MEGF10: variants seen among roughly 807,000 people sequenced by gnomAD.
MEGF10 encodes multiple epidermal growth factor-like domains protein 10.
A neutral mutation model predicts 147.5 loss-of-function variants in MEGF10; 86 were observed. The observed-to-expected ratio is 0.58, with a 90% CI of 0.49 to 0.70. The LOEUF (loss-of-function observed/expected upper bound fraction) is 0.70. Among genes scored for constraint, MEGF10 ranks in the 30% least tolerant of loss-of-function variants. The pLI is 0.00. For synonymous variants in MEGF10, 478 were observed against 525.5 expected (o/e 0.91, Z 1.24); for missense variants, 1,329 against 1,487.3 (o/e 0.89, Z 1.75).
chr5:127,337,811 G>C (rs1761525138), intron 2 of MEGF10, among the ~76,000 whole-genome samples: 1 of 152,090 alleles, frequency 6.6e-6, no homozygotes, highest in Non-Finnish European at 1.5e-5. Flanking sequence ...GAGGTTATCT[G>C]CTGAACATCT....
the MEGF10 span, among the ~76,000 whole-genome samples, chr5:127,266,060 C>A: frequency 6.6e-6 from 1 of 152,014 alleles, no homozygotes. Flanking sequence ...TTAGGTCTAA[C>A]ATTTAAGTCT....
At chr5:127,292,744 C>T (rs953266899) in intron 1 of MEGF10, among the ~76,000 whole-genome samples, 4 of 152,176 alleles carry the variant, frequency 2.6e-5, no homozygotes, top group African/African-American at 9.7e-5. Context: ...CTGTATACCT[C>T]CTTGGAAATC....
the MEGF10 span, among the ~76,000 whole-genome samples, chr5:127,235,130 G>GCCA: frequency 6.6e-6 from 1 of 152,186 alleles, no homozygotes; most frequent in Non-Finnish European, 1.5e-5. Flanking sequence ...ACAGGTGTGA[G>GCCA]CCACCGTGCC....
At chr5:127,316,117 C>G (rs1760538948) in intron 1 of MEGF10, among the ~76,000 whole-genome samples, 1 of 152,212 alleles carries the variant, frequency 6.6e-6, no homozygotes, top group Non-Finnish European at 1.5e-5. Flanking sequence ...AAAAGTCTGC[C>G]ATATAAGTTT....
intron 5 of MEGF10, among the ~76,000 whole-genome samples, chr5:127,381,961 G>A (rs1011347224): frequency 6.6e-6 from 1 of 152,126 alleles, no homozygotes; most frequent in African/African-American, 2.4e-5. Flanking sequence ...GTGAGCCACC[G>A]CACCCAGCCT....
At chr5:127,440,149 T>C (rs946458594) in intron 17 of MEGF10, among the ~76,000 whole-genome samples, 2 of 152,204 alleles carry the variant, frequency 1.3e-5, no homozygotes, top group Non-Finnish European at 2.9e-5. Context: ...GGTCTAAGCA[T>C]TGAAAATCAT....
At chr5:127,260,869 T>C in the MEGF10 span, among the ~76,000 whole-genome samples, 1 of 152,218 alleles carries the variant, frequency 6.6e-6, no homozygotes, top group Admixed American at 6.5e-5. Context: ...CTACTGCTCC[T>C]GCAGGACACC....
intron 23 of MEGF10, 56 bp downstream of exon 23, chr5:127,454,666 C>G (rs1561657588): frequency 1.4e-6 from 2 of 1,472,066 alleles, no homozygotes; most frequent in South Asian, 2.5e-5. Context: ...TTTTTAACCT[C>G]AAAGACTGAA....
At chr5:127,427,210 G>A (rs934092154) in intron 13 of MEGF10, among the ~76,000 whole-genome samples, 6 of 152,138 alleles carry the variant, frequency 3.9e-5, no homozygotes, top group African/African-American at 9.7e-5. Flanking sequence ...GGCAGTTACG[G>A]TCTGCATAGT....
Position 127,457,193 on chromosome 5 carries a change from G to T in MEGF10, c.3298G>T (p.Asp1100Tyr). 6.2e-7 allele frequency: 1 copy of T among 1,614,092 alleles called. No homozygotes were observed. The highest frequency in any genetic ancestry group is 1.1e-5 in the South Asian group (1 of 91,074). ...TGGGCGTCTCTCCCAGGATCCATAT[G>T]ACCTCCCAAAGAACAGTCACATCCC... is the stretch of plus-strand genomic sequence containing the variant. ...NNGRLSQDPY[D>Y]LPKNSHIPCH... Residue 1100 changes from aspartate (D) to tyrosine (Y), a missense_variant, in exon 25 of 25, where the codon GAC (aspartate) becomes TAC (tyrosine). By Grantham distance (160) the Asp-to-Tyr change is radical (BLOSUM62 -3). Around this residue, in one of 3 missense-constraint regions of MEGF10, gnomAD observed 343 missense variants for 377.9 expected, o/e 0.91. Transcript: ENST00000503335.
At chr5:127,290,596 C>T (rs142722272), upstream of MEGF10, among the ~76,000 whole-genome samples, 1,089 of 152,314 alleles carry the variant, frequency 7.1e-3, 3 homozygotes, top group Middle Eastern at 0.027. Flanking sequence ...GGAAGCCGCT[C>T]AGGCAGGGGC....
chr5:127,449,185 G>A lies in MEGF10; in HGVS notation c.2943G>A (p.Pro981=), dbSNP rs371253627. Residue 981 remains proline (P), a synonymous_variant, in exon 22 of 25, where the codon CCG becomes CCA. Coordinates refer to ENST00000503335, the MANE Select transcript of MEGF10 (RefSeq NM_001256545.2). ...TGGGGGACTGCACTGGGACATTGCC[G>A]GCTGACTGGAAACATGGCGGCTACC... ...GPVGDCTGTL[P]ADWKHGGYLN... is the part of the protein sequence containing the mutation. The A allele has an allele frequency of 5.5e-5, 88 of 1,613,840 alleles. No individual in the cohort carries two copies. The highest frequency in any genetic ancestry group is 3.3e-4 in the Middle Eastern group (2 of 6,030).
intron 1 of MEGF10, among the ~76,000 whole-genome samples, chr5:127,303,095 G>C (rs968038405): frequency 3.3e-4 from 50 of 152,028 alleles, no homozygotes; most frequent in African/African-American, 9.9e-4. Context: ...CTAGCACTTT[G>C]GGAGGCCAAG....
chr5:127,403,305 T>G (rs1764198856), intron 8 of MEGF10, among the ~76,000 whole-genome samples: 1 of 152,194 alleles, frequency 6.6e-6, no homozygotes, highest in Admixed American at 6.5e-5. Context: ...TTTTTATTTT[T>G]TTTGTGGGCA....
At chr5:127,356,717 A>G (rs1172431357) in intron 4 of MEGF10, among the ~76,000 whole-genome samples, 2 of 152,212 alleles carry the variant, frequency 1.3e-5, no homozygotes, top group African/African-American at 4.8e-5. Context: ...AGAAACTTGG[A>G]TCCTAGGCAT....
In MEGF10 at chr5:127,419,131, C is replaced by T; in HGVS notation, c.1317C>T (p.Cys439=). ...TTGTGCCTGTCTAGGGAATTGACTGCTCTACCCCATGCCCTCTGGGAACCT... is the reference window on the plus strand; with the variant it reads ...TTGTGCCTGTCTAGGGAATTGACTGTTCTACCCCATGCCCTCTGGGAACCT... ...TCAPGFKGID[C]STPCPLGTYG... is the part of the protein sequence containing the mutation. The change falls in exon 11 of 25, where the codon TGC becomes TGT. Residue 439 remains cysteine (C), a synonymous_variant. Coordinates refer to ENST00000503335, the MANE Select transcript of MEGF10 (RefSeq NM_001256545.2). The T allele has an allele frequency of 6.2e-7, 1 of 1,613,330 alleles. No individual in the cohort carries two copies. The highest frequency in any genetic ancestry group is 8.5e-7 in the Non-Finnish European group (1 of 1,179,830).
intron 13 of MEGF10, among the ~76,000 whole-genome samples, chr5:127,427,264 G>A (rs1765233093): frequency 2.6e-5 from 4 of 152,130 alleles, no homozygotes; most frequent in Admixed American, 2.6e-4. Context: ...AAGAACTTGG[G>A]GTCTGGGGTG....
At chr5:127,305,415 C>T (rs1340614144) in intron 1 of MEGF10, among the ~76,000 whole-genome samples, 3 of 152,136 alleles carry the variant, frequency 2.0e-5, no homozygotes, top group Non-Finnish European at 4.4e-5. Context: ...AGTGAGGAAA[C>T]ACTTCACCTA....
chr5:127,314,227 A>G (rs1428539999), intron 1 of MEGF10, among the ~76,000 whole-genome samples: 1 of 152,204 alleles, frequency 6.6e-6, no homozygotes, highest in Non-Finnish European at 1.5e-5. Flanking sequence ...CAAGTGCTCA[A>G]TATACTTTAA....
Sources: allele counts gnomAD v4.1 joint callset (sites outside exome capture counted in the v4.1 genomes callset), GRCh38; gene constraint gnomAD v4.1.1; regional missense constraint gnomAD v4.1.1; transcripts MANE v1.5; gene names NCBI Gene and HGNC (gene_info 2026-07-23, HGNC 2026-07-21).